ZSCAN21: variants seen among roughly 807,000 people sequenced by gnomAD.
ZSCAN21 encodes zinc finger and SCAN domain-containing protein 21.
In ZSCAN21, 26 loss-of-function variants were observed where a neutral mutation model predicts 35.6. The ratio of observed to expected loss-of-function variants is 0.73; its 90% CI spans 0.54 to 1.01. The LOEUF is 1.01. Ranked by LOEUF, ZSCAN21 falls within the 50% of genes least tolerant of loss-of-function variation. The pLI, the probability that ZSCAN21 is intolerant of heterozygous loss-of-function variation, is 0.00. For missense variants in ZSCAN21, 593 were observed against 587.1 expected (o/e 1.01, Z -0.10); for synonymous variants, 219 against 219.3 (o/e 1.00, Z 0.01).
In ZSCAN21 at chr7:100,064,094, C is replaced by A. The variant is rs778613278; in HGVS notation, c.899C>A (p.Thr300Asn). The change falls in exon 4 of 4, where the codon ACT becomes AAT. Residue 300 changes from threonine (T) to asparagine (N), a missense_variant. Transcript: ENST00000292450. ...SNLTKHRRTH[T>N]GEKPYVCTKC... ...CTCACCAAACACAGGAGAACACACACTGGGGAGAAACCTTACGTGTGCACC... is the reference window on the plus strand; with the variant it reads ...CTCACCAAACACAGGAGAACACACAATGGGGAGAAACCTTACGTGTGCACC... The A allele has an allele frequency of 1.6e-5, 26 of 1,614,056 alleles. No homozygotes were observed. Among genetic ancestry groups the A allele is most frequent in the African/African-American group, 2.7e-5 (2 of 74,932 alleles).
Position 100,057,879 on chromosome 7 carries a change from G to A in ZSCAN21, c.581G>A (p.Arg194Lys), listed in dbSNP as rs762800876. 4.4e-6 allele frequency: 7 copies of A among 1,608,228 alleles called. No homozygotes were observed. In the South Asian group the frequency reaches 7.7e-5, roughly 18 times the overall value. ...GAGCAGGAGTTCGCTCAAGATCCAA[G>A]AAAGGTCCGAGGTGAGGACCACCCA... is the stretch of plus-strand genomic sequence containing the variant. ...GEEQEFAQDP[R>K]KVRDCRLSTQ... is the part of the protein sequence containing the mutation. Residue 194 changes from arginine (R) to lysine (K), a missense_variant, in exon 3 of 4, where the codon AGA becomes AAA. Coordinates refer to ENST00000292450, the MANE Select transcript of ZSCAN21 (RefSeq NM_145914.3).
chr7:100,061,019 T>C (rs1792271434), intron 3 of ZSCAN21, among the ~76,000 whole-genome samples: 1 of 151,070 alleles, frequency 6.6e-6, no homozygotes, highest in South Asian at 2.1e-4. Context: ...TGACCTGAGA[T>C]TGCACCACTG....
intron 1 of ZSCAN21, among the ~76,000 whole-genome samples, chr7:100,055,854 G>C (rs2116091022): frequency 6.6e-6 from 1 of 150,972 alleles, no homozygotes; most frequent in East Asian, 2.0e-4. Flanking sequence ...ATGTTAGCCA[G>C]GATGGTCTCG....
At chr7:100,059,822 G>A (rs1792218903) in intron 3 of ZSCAN21, among the ~76,000 whole-genome samples, 1 of 152,176 alleles carries the variant, frequency 6.6e-6, no homozygotes. Context: ...TGATTCTCCT[G>A]CCTCAGCCTC....
chr7:100,064,891 GTTA>G lies in ZSCAN21; in HGVS notation c.*275_*277del. 1 of 846,452 alleles carries G rather than the reference GTTA, an allele frequency of 1.2e-6. No homozygotes were observed. The highest frequency in any genetic ancestry group is 1.6e-6 in the Non-Finnish European group (1 of 608,504). 52.4% of individuals were successfully genotyped at this position (846,452 alleles called of 1,614,324 possible). A position where few individuals can be genotyped will look rare whatever the true frequency, so the allele number is the denominator to read the frequency against. ...CCATGCCAGCATTACCTTTTGCGTA[GTTA>G]AACAGACGTGTATCCAGTCTAGTTA... is the stretch of plus-strand genomic sequence containing the variant. On this transcript the variant is annotated 3_prime_UTR_variant, in exon 4 of 4. Transcript: ENST00000292450.
At position 100,064,478 on chromosome 7, in the gene ZSCAN21, G is replaced by C; in HGVS notation, c.1283G>C (p.Ser428Thr). The change falls in exon 4 of 4, where the codon AGC (serine) becomes ACC (threonine). Residue 428 changes from serine (S) to threonine (T), a missense_variant. Physicochemically the swap from Ser to Thr is moderately conservative, Grantham distance 58. Coordinates refer to ENST00000292450, the MANE Select transcript of ZSCAN21 (RefSeq NM_145914.3). ...GAGTGTGGGAAAGCCTTCAACCACA[G>C]CTCCAACTTCAATAAACACCACAGA... ...CKECGKAFNH[S>T]SNFNKHHRIH... 6.2e-7 allele frequency: 1 copy of C among 1,613,800 alleles called. No individual in the cohort carries two copies. The highest frequency in any genetic ancestry group is 8.5e-7 in the Non-Finnish European group (1 of 1,179,948).
chr7:100,063,180 C>T (rs967332987), intron 3 of ZSCAN21, among the ~76,000 whole-genome samples: 9 of 152,360 alleles, frequency 5.9e-5, no homozygotes, highest in Middle Eastern at 3.4e-3. Flanking sequence ...AGGCGTGAGC[C>T]GCTGTGCCCG....
chr7:100,064,395 T>C lies in ZSCAN21; in HGVS notation c.1200T>C (p.His400=), dbSNP rs1167627625. 4 of 1,613,894 alleles carry C rather than the reference T, an allele frequency of 2.5e-6. No individual in the cohort carries two copies. The highest frequency in any genetic ancestry group is 2.7e-5 in the African/African-American group (2 of 74,870). Residue 400 remains histidine (H), a synonymous_variant, in exon 4 of 4, where the codon CAT becomes CAC. Coordinates refer to ENST00000292450, the MANE Select transcript of ZSCAN21 (RefSeq NM_145914.3). ...AATGTGGGAAGAGCTTCAGTCAGCA[T>C]GCGGGCCTCAGCTCCCACCAGAGAC... ...CNECGKSFSQ[H]AGLSSHQRLH...
chr7:100,064,775 A>G lies in ZSCAN21; in HGVS notation c.*158A>G. ...AGTGCGAGCTCCACAGCAACATGGC[A>G]GGCAGGAGGTCCTCAGAAGGTGTCA... On this transcript the variant is annotated 3_prime_UTR_variant, in exon 4 of 4. Transcript: ENST00000292450. 2 of 1,614,154 alleles carry G rather than the reference A, an allele frequency of 1.2e-6. No individual in the cohort carries two copies. The highest frequency in any genetic ancestry group is 2.2e-5 in the South Asian group (2 of 91,088).
At chr7:100,058,769 G>A (rs1263456374) in intron 3 of ZSCAN21, among the ~76,000 whole-genome samples, 1 of 152,178 alleles carries the variant, frequency 6.6e-6, no homozygotes, top group African/African-American at 2.4e-5. Flanking sequence ...GAGGGCAGTG[G>A]CGTGATCATA....
chr7:100,050,187 A>G (rs1382706644), intron 1 of ZSCAN21, among the ~76,000 whole-genome samples: 1 of 152,044 alleles, frequency 6.6e-6, no homozygotes, highest in Non-Finnish European at 1.5e-5. Flanking sequence ...CCTTTCTCTG[A>G]ACTGGAGGTC....
rs2116099679 is a variant in ZSCAN21 at position 100,056,945 on chromosome 7, A to G, written c.-62A>G. 1 of 1,479,656 alleles carries G rather than the reference A, an allele frequency of 6.8e-7. No homozygotes were observed. Among genetic ancestry groups the G allele is most frequent in the Non-Finnish European group, 9.0e-7 (1 of 1,109,548 alleles). The allele number at this position is 1,479,656 out of a possible 1,614,324, so 91.7% of individuals were successfully genotyped here. A position where few individuals can be genotyped will look rare whatever the true frequency, so the allele number is the denominator to read the frequency against. ...GTGGCCCTAAAGAACTGGAAACCCA[A>G]AGGAACGAATATTCCTGCCCCACAG... On this transcript the variant is annotated 5_prime_UTR_variant, in exon 2 of 4. Coordinates refer to ENST00000292450, the MANE Select transcript of ZSCAN21 (RefSeq NM_145914.3).
chr7:100,063,415 T>C (rs903289272), intron 3 of ZSCAN21, among the ~76,000 whole-genome samples: 10 of 151,962 alleles, frequency 6.6e-5, no homozygotes, highest in African/African-American at 2.4e-4. Context: ...CTGGCCAGCA[T>C]GTTGAAACCC....
chr7:100,063,852 G>A lies in ZSCAN21; in HGVS notation c.657G>A (p.Gly219=). 2 of 1,614,092 alleles carry A rather than the reference G, an allele frequency of 1.2e-6. No individual in the cohort carries two copies. Among genetic ancestry groups the A allele is most frequent in the South Asian group, 1.1e-5 (1 of 91,082 alleles). The change falls in exon 4 of 4, where the codon GGG becomes GGA. Residue 219 remains glycine, a synonymous_variant. Coordinates refer to ENST00000292450, the MANE Select transcript of ZSCAN21 (RefSeq NM_145914.3). ...AGCAGAAAGGTTCTGAAGCAGAGGG[G>A]CTCAAAGGGGATATAATTTCTGTGA... ...ADEQKGSEAE[G]LKGDIISVII... is the part of the protein sequence containing the mutation.
Position 100,054,452 on chromosome 7 carries a change from G to T in ZSCAN21, c.-96-2459G>T, listed in dbSNP as rs1017145568. Among the ~76,000 whole-genome samples the T allele has an allele frequency of 3.3e-5, 5 of 151,932 alleles. No individual in the cohort carries two copies. In the South Asian group the frequency reaches 6.2e-4, roughly 19 times the overall value. On this transcript the variant is annotated intron_variant, in intron 1 of 3. Transcript: ENST00000292450. ...TTTAGTAGAGACGGGGTTTTGCCAT[G>T]TTGGTCAGGTTGGTCTCGAACTCCT...
chr7:100,062,652 A>C (rs1792377737), intron 3 of ZSCAN21, among the ~76,000 whole-genome samples: 1 of 151,112 alleles, frequency 6.6e-6, no homozygotes, highest in Admixed American at 6.6e-5. Context: ...CAGCACGTGG[A>C]TCACCTGATG....
rs776579791 is a variant in ZSCAN21, at chr7:100,064,696, G to C, written c.*79G>C. 1.2e-6 allele frequency: 2 copies of C among 1,606,614 alleles called. No homozygotes were observed. Among genetic ancestry groups the C allele is most frequent in the South Asian group, 1.1e-5 (1 of 90,554 alleles). On this transcript the variant is annotated 3_prime_UTR_variant, in exon 4 of 4. Transcript: ENST00000292450. ...AGAAAGAAGTCTTGTCATTGCAGCA[G>C]CATCGATTCCGGTGATAGAGTTTGT...
At chr7:100,060,131 G>A (rs1424101337) in intron 3 of ZSCAN21, among the ~76,000 whole-genome samples, 1 of 152,254 alleles carries the variant, frequency 6.6e-6, no homozygotes. Flanking sequence ...TGAAGGACAT[G>A]ATTAGCAAAC....
chr7:100,055,020 A>G (rs564931033), intron 1 of ZSCAN21, among the ~76,000 whole-genome samples: 7 of 146,930 alleles, frequency 4.8e-5, no homozygotes, highest in East Asian at 2.0e-4. Context: ...CAGTGGTGCA[A>G]TCTTGGCTCA....
Sources: gnomAD v4.1 joint callset for allele counts (sites outside exome capture counted in the v4.1 genomes callset) on GRCh38, gnomAD v4.1.1 for gene constraint, MANE v1.5 for transcripts, NCBI Gene and HGNC (gene_info 2026-07-23, HGNC 2026-07-21) for gene names.